KIAA2012: variants seen among roughly 807,000 people sequenced by gnomAD.
The protein encoded by KIAA2012 is KIAA2012.
In KIAA2012, 125 loss-of-function variants were observed where a neutral mutation model predicts 150.6. That is an observed-to-expected ratio of 0.83 (90% CI 0.72 to 0.96). The LOEUF (loss-of-function observed/expected upper bound fraction) is 0.96, where lower values mean the gene tolerates loss of function less well. Among genes scored for constraint, KIAA2012 ranks in the 40% least tolerant of loss-of-function variants. The pLI is 0.00. For synonymous variants in KIAA2012, 462 were observed against 504.7 expected, an observed-to-expected ratio of 0.92 and a Z score of 1.13; for missense variants, 1,219 against 1,354.9, an observed-to-expected ratio of 0.90 and a Z score of 1.57.
At chr2:202,159,079 T>C (rs1217252214) in intron 14 of KIAA2012, among the ~76,000 whole-genome samples, 1 of 152,130 alleles carries the variant, frequency 6.6e-6, no homozygotes, top group Non-Finnish European at 1.5e-5. Context: ...TTGAGACCAG[T>C]CCCAAGCATT....
At chr2:202,130,465 TGA>T (rs1690906007) in intron 12 of KIAA2012, among the ~76,000 whole-genome samples, 2 of 148,736 alleles carry the variant, frequency 1.3e-5, no homozygotes, top group African/African-American at 4.9e-5. Context: ...ATTTTGTGTG[TGA>T]GTTATATTTC....
intron 3 of KIAA2012, among the ~76,000 whole-genome samples, chr2:202,091,604 C>T (rs78714581): frequency 0.011 from 1,675 of 152,278 alleles, 36 homozygotes; most frequent in African/African-American, 0.038. Context: ...TACCCACCCC[C>T]GCAACACGCA....
rs1464694562 is a variant in KIAA2012 at position 202,186,959 on chromosome 2, T to C, written c.2237T>C (p.Leu746Pro). 1 of 1,550,620 alleles carries C rather than the reference T, an allele frequency of 6.4e-7. No individual in the cohort carries two copies. Among genetic ancestry groups the C allele is most frequent in the Admixed American group, 2.0e-5 (1 of 50,990 alleles). Reference protein sequence around the residue: ...KVGRDYDVHHLHRGLLGYGPE... With the variant: ...KVGRDYDVHHPHRGLLGYGPE... ...GGCAGAGATTATGATGTACACCACC[T>C]ACACAGAGGACTTCTGGGATACGGG... Residue 746 changes from leucine to proline, a missense_variant, in exon 17 of 24, where the codon CTA (leucine) becomes CCA (proline). Leu to Pro is a moderately conservative substitution (Grantham distance 98). Transcript: ENST00000498697.
At chr2:202,179,396 T>G (rs750117415) in intron 15 of KIAA2012, 1 of 771,460 alleles carries the variant, frequency 1.3e-6, no homozygotes, top group Non-Finnish European at 2.3e-6. Context: ...AGGAGCCCTG[T>G]CAGTGGGAAT....
chr2:202,088,656 T>G (rs1314593200), intron 2 of KIAA2012, among the ~76,000 whole-genome samples: 1 of 152,206 alleles, frequency 6.6e-6, no homozygotes, highest in African/African-American at 2.4e-5. Flanking sequence ...CCCTTTCACT[T>G]ACATTATTTC....
At chr2:202,138,116 C>A in intron 12 of KIAA2012, 1 of 184,632 alleles carries the variant, frequency 5.4e-6, no homozygotes, top group South Asian at 1.4e-4. Flanking sequence ...TCAATATTTC[C>A]TTTTTAATTT....
chr2:202,082,906 T>C (rs144127775), intron 2 of KIAA2012, among the ~76,000 whole-genome samples: 1 of 151,484 alleles, frequency 6.6e-6, no homozygotes, highest in Non-Finnish European at 1.5e-5. Flanking sequence ...ATTTGACAGA[T>C]AAAGAAACTG....
intron 2 of KIAA2012, among the ~76,000 whole-genome samples, chr2:202,078,769 A>G (rs747142363): frequency 3.9e-5 from 6 of 152,208 alleles, no homozygotes; most frequent in Non-Finnish European, 8.8e-5. Context: ...TCCACTTTAA[A>G]GGTGAGGAAA....
intron 13 of KIAA2012, among the ~76,000 whole-genome samples, chr2:202,150,471 CAG>C (rs1484982889): frequency 1.3e-5 from 2 of 150,038 alleles, no homozygotes; most frequent in South Asian, 2.1e-4. Context: ...TTTTTTGAGA[CAG>C]AGTCTCGCTC....
At chr2:202,127,489 C>T (rs954497850) in intron 12 of KIAA2012, among the ~76,000 whole-genome samples, 1 of 152,150 alleles carries the variant, frequency 6.6e-6, no homozygotes, top group African/African-American at 2.4e-5. Context: ...TTGAAATATG[C>T]CTGGCCCATG....
intron 14 of KIAA2012, among the ~76,000 whole-genome samples, chr2:202,158,429 G>C (rs1004800557): frequency 2.6e-5 from 4 of 152,210 alleles, no homozygotes; most frequent in Admixed American, 1.3e-4. Flanking sequence ...CAATGAAACA[G>C]GTAATAGCAC....
intron 7 of KIAA2012, among the ~76,000 whole-genome samples, 177 bp downstream of exon 7, chr2:202,100,626 G>C (rs932813443): frequency 1.3e-5 from 2 of 152,186 alleles, no homozygotes; most frequent in African/African-American, 4.8e-5. Context: ...TTTACTAAAG[G>C]TTGAAAATCA....
rs1007040510 is a variant in KIAA2012, at chr2:202,179,436, C to A, written c.2120-5317C>A. On this transcript the variant is annotated intron_variant, in intron 15 of 23. Transcript: ENST00000498697. Reference sequence around the variant, plus strand: ...GCGGCAAATGGTGTGGTATTAGCAACCGAGAAAAAACAGAAATTCATTCTG... The same window carrying A: ...GCGGCAAATGGTGTGGTATTAGCAAACGAGAAAAAACAGAAATTCATTCTG... 2.2e-5 allele frequency: 16 copies of A among 723,226 alleles called. No homozygotes were observed. The African/African-American group carries it at 2.6e-4, about 12-fold the overall frequency. The allele number at this position is 723,226 out of a possible 1,614,324, so 44.8% of individuals were successfully genotyped here.
intron 15 of KIAA2012, among the ~76,000 whole-genome samples, chr2:202,181,396 C>T (rs1251718884): frequency 6.6e-6 from 1 of 152,064 alleles, no homozygotes; most frequent in Non-Finnish European, 1.5e-5. Flanking sequence ...AGCAACATGA[C>T]AAGACCCTGT....
chr2:202,138,384 C>G, intron 12 of KIAA2012, 48 bp from the exon 13 acceptor site: 1 of 1,381,130 alleles, frequency 7.2e-7, no homozygotes, highest in Non-Finnish European at 1.0e-6. Flanking sequence ...GTCATGAGAT[C>G]CAGATCTGAC....
intron 13 of KIAA2012, among the ~76,000 whole-genome samples, chr2:202,145,882 G>A (rs144521685): frequency 6.9e-4 from 104 of 151,656 alleles, no homozygotes; most frequent in Middle Eastern, 3.4e-3. Context: ...TCGGGGTTTC[G>A]CCATGTTGAC....
chr2:202,188,562 C>G (rs1692273110), intron 18 of KIAA2012, among the ~76,000 whole-genome samples: 1 of 152,090 alleles, frequency 6.6e-6, no homozygotes. Context: ...TATGTGATCT[C>G]ATTAAATCCT....
chr2:202,125,934 G>A (rs1468986422), intron 12 of KIAA2012: 9 of 176,044 alleles, frequency 5.1e-5, no homozygotes, highest in Admixed American at 1.0e-4. Flanking sequence ...GTTCCTGGCT[G>A]CTTTTTTTTT....
chr2:202,109,041 C>T (rs531776877), intron 9 of KIAA2012, among the ~76,000 whole-genome samples: 1 of 152,244 alleles, frequency 6.6e-6, no homozygotes, highest in South Asian at 2.1e-4. Context: ...ATGCTACCAT[C>T]AATCCTGATA....
Sources: allele counts gnomAD v4.1 joint callset (sites outside exome capture counted in the v4.1 genomes callset), GRCh38; gene constraint gnomAD v4.1.1; transcripts MANE v1.5; gene names NCBI Gene and HGNC (gene_info 2026-07-23, HGNC 2026-07-21).